Variants in TRPM1 observed in about 807,000 individuals in gnomAD.
TRPM1 encodes the protein TRPM1-203 APA Isoform, Intron 10.
Under a neutral mutation model 149.4 loss-of-function variants are expected in TRPM1, and 113 were observed. The observed-to-expected ratio is 0.76, with a 90% CI of 0.65 to 0.88. The LOEUF (loss-of-function observed/expected upper bound fraction) is 0.88, where lower values mean the gene tolerates loss of function less well. Ranked by LOEUF, TRPM1 falls within the 40% of genes least tolerant of loss-of-function variation. The pLI is 0.00. For missense variants in TRPM1, 1,976 were observed against 2,038.7 expected, an observed-to-expected ratio of 0.97 and a Z score of 0.59; for synonymous variants, 741 against 759.5, an observed-to-expected ratio of 0.98 and a Z score of 0.40.
chr15:31,047,380 G>A (rs1020179056), intron 14 of TRPM1, 129 bp from the exon 15 acceptor site: 1 of 995,832 alleles, frequency 1.0e-6, no homozygotes, highest in Non-Finnish European at 1.6e-6. Context: ...GGTGGGTGGG[G>A]GATTAAACAA....
At chr15:31,146,833 A>G (rs1212487113) in intron 1 of TRPM1, among the ~76,000 whole-genome samples, 1 of 152,174 alleles carries the variant, frequency 6.6e-6, no homozygotes, top group African/African-American at 2.4e-5. Context: ...CTAAAAATAC[A>G]AAAAATTAGC....
intron 2 of TRPM1, 39 bp downstream of exon 2, chr15:31,081,314 G>A (rs1567040778): frequency 1.8e-6 from 2 of 1,100,668 alleles, no homozygotes; most frequent in African/African-American, 1.6e-5. Flanking sequence ...CTCAGGGGGG[G>A]AGGGGGGGAA....
intron 27 of TRPM1, among the ~76,000 whole-genome samples, chr15:31,008,685 A>G (rs2032079663): frequency 6.6e-6 from 1 of 152,180 alleles, no homozygotes; most frequent in African/African-American, 2.4e-5. Context: ...GCCTCAGGAA[A>G]TGAGGTGGGA....
chr15:31,147,639 C>T (rs565885531), intron 1 of TRPM1, among the ~76,000 whole-genome samples: 59 of 152,270 alleles, frequency 3.9e-4, no homozygotes, highest in African/African-American at 1.3e-3. Context: ...AGTCCCCAGG[C>T]GGGGAATCGA....
At chr15:31,119,721 G>A (rs1323947396) in intron 1 of TRPM1, among the ~76,000 whole-genome samples, 1 of 152,108 alleles carries the variant, frequency 6.6e-6, no homozygotes, top group African/African-American at 2.4e-5. Flanking sequence ...ATGTTATAAG[G>A]AACAGGAGTG....
At chr15:31,013,360 C>T (rs1312470604) in intron 27 of TRPM1, among the ~76,000 whole-genome samples, 6 of 151,680 alleles carry the variant, frequency 4.0e-5, no homozygotes, top group African/African-American at 1.2e-4. Flanking sequence ...TTTGAGACCT[C>T]GTCTACTACT....
At chr15:31,030,659 T>C (rs2042613) in intron 23 of TRPM1, among the ~76,000 whole-genome samples, 60,297 of 152,008 alleles carry the variant, frequency 0.4, 15,008 homozygotes, top group African/African-American at 0.71. Context: ...GAAAACACTA[T>C]CAGCCTTATC....
chr15:31,062,468 A>G, intron 9 of TRPM1, 111 bp downstream of exon 9: 1 of 1,418,364 alleles, frequency 7.1e-7, no homozygotes, highest in Non-Finnish European at 9.8e-7. Context: ...TCTCTCAGAA[A>G]AGGCCGGACT....
At chr15:31,098,716 C>T (rs1462126186) in intron 1 of TRPM1, among the ~76,000 whole-genome samples, 1 of 152,156 alleles carries the variant, frequency 6.6e-6, no homozygotes, top group Non-Finnish European at 1.5e-5. Context: ...ATGAGCGTTA[C>T]CCCTACCTTA....
In TRPM1 at chr15:31,026,258, G is replaced by A. The variant is rs562051081; in HGVS notation, c.3510C>T (p.Ser1170=). Residue 1170 remains serine, a synonymous_variant, in exon 27 of 28, where the codon AGC becomes AGT. Transcript: ENST00000256552. ...CATGCAGCCTCTTTAGCTCCTCGTC[G>A]CTAAGGAAGAGCTCTGTGTGAAGGG... ...ERDRGLKLFL[S]DEELKRLHEF... 3.1e-6 allele frequency: 5 copies of A among 1,610,982 alleles called. No homozygotes were observed. The highest frequency in any genetic ancestry group is 1.3e-5 in the African/African-American group (1 of 75,054).
intron 1 of TRPM1, among the ~76,000 whole-genome samples, chr15:31,108,911 G>A (rs767819182): frequency 3.9e-5 from 6 of 152,074 alleles, no homozygotes; most frequent in Non-Finnish European, 8.8e-5. Context: ...TTACCTACTT[G>A]CCCTGGCTTC....
chr15:31,116,282 C>T (rs1031788076), intron 1 of TRPM1, among the ~76,000 whole-genome samples: 3 of 152,114 alleles, frequency 2.0e-5, no homozygotes, highest in Admixed American at 6.5e-5. Flanking sequence ...GTAGAAGTCA[C>T]AGCCCAAGAA....
At chr15:31,096,874 C>T (rs534393084) in intron 1 of TRPM1, among the ~76,000 whole-genome samples, 1 of 152,286 alleles carries the variant, frequency 6.6e-6, no homozygotes, top group South Asian at 2.1e-4. Flanking sequence ...AGCCTCCTGG[C>T]CCTCAGGGAC....
intron 11 of TRPM1, among the ~76,000 whole-genome samples, chr15:31,052,385 A>C (rs1200968828): frequency 1.3e-5 from 2 of 152,224 alleles, no homozygotes; most frequent in Admixed American, 6.5e-5. Context: ...CTGGATATCC[A>C]CATGCAAAAG....
intron 20 of TRPM1, among the ~76,000 whole-genome samples, chr15:31,037,128 C>T (rs2033424367): frequency 6.6e-6 from 1 of 152,248 alleles, no homozygotes; most frequent in African/African-American, 2.4e-5. Context: ...CTGATCTGCC[C>T]TCCTGCCTCC....
chr15:31,050,148 T>C (rs16956492), intron 12 of TRPM1, among the ~76,000 whole-genome samples: 4,978 of 152,350 alleles, frequency 0.033, 275 homozygotes, highest in African/African-American at 0.11. Flanking sequence ...ACAGAACCAT[T>C]GCTGAACAGG....
chr15:31,047,675 C>T (rs928567558), intron 14 of TRPM1, among the ~76,000 whole-genome samples: 4 of 152,226 alleles, frequency 2.6e-5, no homozygotes, highest in African/African-American at 9.6e-5. Context: ...CCGGCTGTCA[C>T]TGACAGTGTC....
At chr15:31,110,611 A>C (rs2035671192) in intron 1 of TRPM1, among the ~76,000 whole-genome samples, 1 of 152,170 alleles carries the variant, frequency 6.6e-6, no homozygotes, top group South Asian at 2.1e-4. Flanking sequence ...CAGCCTCGTC[A>C]ACAGGTGAAC....
At chr15:31,003,759 C>A (rs766770426) in intron 27 of TRPM1, among the ~76,000 whole-genome samples, 2 of 151,944 alleles carry the variant, frequency 1.3e-5, no homozygotes, top group African/African-American at 4.8e-5. Flanking sequence ...CTGAAGAATA[C>A]CAAAAACTTT....
Sources: allele counts gnomAD v4.1 joint callset (sites outside exome capture counted in the v4.1 genomes callset), GRCh38; gene constraint gnomAD v4.1.1; transcripts MANE v1.5; gene names NCBI Gene and HGNC (gene_info 2026-07-23, HGNC 2026-07-21).